OGA: variants seen among roughly 807,000 people sequenced by gnomAD.
OGA encodes O-GlcNAcase.
OGA carries 21 observed loss-of-function variants against 102.0 expected under a neutral mutation model. The ratio of observed to expected loss-of-function variants is 0.21; its 90% CI spans 0.15 to 0.30. The LOEUF (loss-of-function observed/expected upper bound fraction) is 0.30. OGA is among the 10% of genes least tolerant of loss of function. The probability of loss-of-function intolerance (pLI) is 1.00; values close to 1 mark genes in which losing one functional copy is unlikely to be tolerated. For missense variants in OGA, 765 were observed against 1,107.8 expected, an observed-to-expected ratio of 0.69 and a Z score of 4.39; for synonymous variants, 408 against 378.2, an observed-to-expected ratio of 1.08 and a Z score of -0.91.
At position 101,787,466 on chromosome 10, in the gene OGA, T is replaced by G; in HGVS notation, c.2512A>C (p.Asn838His). ...TCCATCTTTATCAGAGAAGGGAAATTAGCAAGGAAAGTTTCTGGCAGTACT... is the reference window on the plus strand; with the variant it reads ...TCCATCTTTATCAGAGAAGGGAAATGAGCAAGGAAAGTTTCTGGCAGTACT... ...QEVLPETFLANFPSLIKMDIH... is the reference protein window; with the variant it reads ...QEVLPETFLAHFPSLIKMDIH... The change falls in exon 15 of 16, where the codon AAT (asparagine) becomes CAT (histidine). Residue 838 changes from asparagine to histidine, a missense_variant. Physicochemically the swap from Asn to His is moderately conservative, Grantham distance 68 (BLOSUM62 1). Around this residue, in one of 7 missense-constraint regions of OGA, gnomAD observed 146 missense variants for 269.7 expected, o/e 0.54. Transcript: ENST00000361464. The G allele has an allele frequency of 6.2e-7, 1 of 1,613,854 alleles. No homozygotes were observed. The highest frequency in any genetic ancestry group is 8.5e-7 in the Non-Finnish European group (1 of 1,179,712).
At position 101,798,759 on chromosome 10, in the gene OGA, T is replaced by C. The variant is rs17114200; in HGVS notation, c.1809+83A>G. 9,364 of 1,456,826 alleles carry C rather than the reference T, an allele frequency of 6.4e-3. 246 individuals carry two copies. In the East Asian group the frequency reaches 0.091, roughly 14 times the overall value. 90.2% of individuals were successfully genotyped at this position (1,456,826 alleles called of 1,614,324 possible). ...ATGGTCAATTTTCTGTCAGTTACAG[T>C]GTACTCATTTAAGAACCTTTTCCAC... On this transcript the variant is annotated intron_variant, in intron 9 of 15. Coordinates refer to ENST00000361464, the MANE Select transcript of OGA (RefSeq NM_012215.5).
Position 101,791,350 on chromosome 10 carries a change from A to T in OGA, c.2261+4T>A. 6.2e-7 allele frequency: 1 copy of T among 1,608,280 alleles called. No individual in the cohort carries two copies. The highest frequency in any genetic ancestry group is 8.5e-7 in the Non-Finnish European group (1 of 1,174,682). On this transcript the variant is annotated splice_donor_region_variant and intron_variant, in intron 13 of 15. Transcript: ENST00000361464. ...ACTCTCAAATCCAAATACTTATCAC[A>T]TACTTGTCTCCAATAAGATCAGGCT...
intron 7 of OGA, 71 bp downstream of exon 7, chr10:101,803,664 C>A: frequency 7.2e-7 from 1 of 1,383,434 alleles, no homozygotes; most frequent in South Asian, 1.3e-5. Flanking sequence ...CAAAGGAATG[C>A]ATACTTTCCA....
At chr10:101,812,990 T>G in intron 3 of OGA, 40 bp downstream of exon 3, 1 of 1,401,086 alleles carries the variant, frequency 7.1e-7, no homozygotes, top group South Asian at 1.2e-5. Flanking sequence ...ACCGTTTTCT[T>G]CACAGATTTT....
intron 5 of OGA, among the ~76,000 whole-genome samples, chr10:101,807,146 A>T (rs1370245375): frequency 6.6e-6 from 1 of 152,198 alleles, no homozygotes; most frequent in Non-Finnish European, 1.5e-5. Flanking sequence ...CACACAAAGA[A>T]AGTTAAATAA....
At chr10:101,792,259 CG>C (rs915518489) in intron 12 of OGA, among the ~76,000 whole-genome samples, 2 of 152,150 alleles carry the variant, frequency 1.3e-5, no homozygotes, top group African/African-American at 4.8e-5. Flanking sequence ...CCGCCTGTCT[CG>C]GCCTCCCAAA....
At chr10:101,803,278 A>G (rs1380759058) in intron 7 of OGA, among the ~76,000 whole-genome samples, 1 of 152,062 alleles carries the variant, frequency 6.6e-6, no homozygotes, top group Non-Finnish European at 1.5e-5. Context: ...TATCCGAATG[A>G]TTCTAGAGAT....
intron 1 of OGA, among the ~76,000 whole-genome samples, chr10:101,816,062 C>T (rs972854273): frequency 2.7e-5 from 4 of 146,712 alleles, no homozygotes; most frequent in Non-Finnish European, 4.5e-5. Flanking sequence ...GCCTGAGCTC[C>T]GTAGGTGGAA....
intron 8 of OGA, among the ~76,000 whole-genome samples, 154 bp from the exon 9 acceptor site, chr10:101,799,609 A>G (rs2065362976): frequency 2.0e-5 from 3 of 152,206 alleles, no homozygotes; most frequent in Admixed American, 2.0e-4. Flanking sequence ...GAAAAATGAG[A>G]TTTCTCTATA....
chr10:101,799,476 A>G (rs751429428), intron 8 of OGA, 21 bp from the exon 9 acceptor site: 3 of 1,590,272 alleles, frequency 1.9e-6, no homozygotes, highest in Non-Finnish European at 2.6e-6. Context: ...AAATAAATGT[A>G]TAAATAAAAT....
intron 4 of OGA, among the ~76,000 whole-genome samples, chr10:101,808,580 G>T (rs1021119006): frequency 1.3e-5 from 2 of 152,270 alleles, no homozygotes; most frequent in South Asian, 4.1e-4. Flanking sequence ...AATTTCAACT[G>T]CCTTAAATTT....
At chr10:101,789,952 G>C (rs1277562616) in intron 14 of OGA, among the ~76,000 whole-genome samples, 1 of 152,174 alleles carries the variant, frequency 6.6e-6, no homozygotes, top group East Asian at 1.9e-4. Context: ...GCATTCCTGG[G>C]TGACAAGGTG....
Position 101,810,279 on chromosome 10 carries a change from A to G in OGA, c.385T>C (p.Tyr129His). ...LMTLISAARE[Y>H]EIEFIYAISP... ...ATCGCATAGATGAACTCTATCTCAT[A>G]TTCTCGTGCAGCAGAGATGAGAGTC... Residue 129 changes from tyrosine to histidine, a missense_variant, in exon 4 of 16, where the codon TAT becomes CAT. Transcript: ENST00000361464. The G allele has an allele frequency of 1.2e-6, 2 of 1,612,364 alleles. No individual in the cohort carries two copies. Among genetic ancestry groups the G allele is most frequent in the Non-Finnish European group, 1.7e-6 (2 of 1,178,520 alleles).
rs574272062 is a variant in OGA at position 101,817,809 on chromosome 10, A to G, written c.199+15T>C. On this transcript the variant is annotated intron_variant, in intron 1 of 15. Coordinates refer to ENST00000361464, the MANE Select transcript of OGA (RefSeq NM_012215.5). ...CGTGTTAGTGCCAAAACGGGGAGGGAAGGAGGGCGCTCACCTTCCACCACA... is the reference window on the plus strand; with the variant it reads ...CGTGTTAGTGCCAAAACGGGGAGGGGAGGAGGGCGCTCACCTTCCACCACA... The G allele has an allele frequency of 3.6e-5, 56 of 1,536,168 alleles. No individual in the cohort carries two copies. In the African/African-American group the frequency reaches 6.9e-4, roughly 19 times the overall value.
intron 1 of OGA, among the ~76,000 whole-genome samples, chr10:101,814,166 T>G (rs2065592874): frequency 6.6e-6 from 1 of 151,996 alleles, no homozygotes; most frequent in Non-Finnish European, 1.5e-5. Context: ...ATGTCTCTAC[T>G]AAAAATACAA....
chr10:101,798,605 G>T (rs1363262599), intron 9 of OGA, among the ~76,000 whole-genome samples: 1 of 151,810 alleles, frequency 6.6e-6, no homozygotes, highest in African/African-American at 2.4e-5. Flanking sequence ...GTACAGATGG[G>T]GTTTCACCAT....
intron 6 of OGA, among the ~76,000 whole-genome samples, chr10:101,805,170 G>A (rs2065451577): frequency 6.6e-6 from 1 of 152,012 alleles, no homozygotes; most frequent in Non-Finnish European, 1.5e-5. Flanking sequence ...CTAAGTAGCT[G>A]GGACTACAGG....
chr10:101,805,378 G>C (rs923112320), intron 6 of OGA, among the ~76,000 whole-genome samples: 4 of 152,164 alleles, frequency 2.6e-5, no homozygotes, highest in African/African-American at 9.7e-5. Flanking sequence ...CTCTGGGCCA[G>C]GTGCAGTGGG....
At chr10:101,790,479 G>A (rs1018894098) in intron 14 of OGA, among the ~76,000 whole-genome samples, 1 of 151,906 alleles carries the variant, frequency 6.6e-6, no homozygotes, top group Admixed American at 6.6e-5. Flanking sequence ...GTTTCACCAC[G>A]TTGGCCGGGC....
Sources: allele counts gnomAD v4.1 joint callset (sites outside exome capture counted in the v4.1 genomes callset), GRCh38; gene constraint gnomAD v4.1.1; regional missense constraint gnomAD v4.1.1; transcripts MANE v1.5; gene names NCBI Gene and HGNC (gene_info 2026-07-23, HGNC 2026-07-21).